TIMP2: variants seen among roughly 807,000 people sequenced by gnomAD.
TIMP2 encodes TIMP metallopeptidase inhibitor 2.
A neutral mutation model predicts 24.3 loss-of-function variants in TIMP2; 5 were observed. That is an observed-to-expected ratio of 0.21 (90% CI 0.11 to 0.43). The LOEUF (loss-of-function observed/expected upper bound fraction) is 0.43, where lower values mean the gene tolerates loss of function less well. Ranked by LOEUF, TIMP2 falls within the 20% of genes least tolerant of loss-of-function variation. TIMP2 has a pLI of 1.00. For synonymous variants in TIMP2, 130 were observed against 123.2 expected (o/e 1.06, Z -0.37); for missense variants, 221 against 297.5 (o/e 0.74, Z 1.89).
rs984433583 is a variant in TIMP2, at chr17:78,853,339, C to A, written c.*2328G>T. 1 of 152,522 alleles carries A rather than the reference C, an allele frequency of 6.6e-6. No individual in the cohort carries two copies. Among genetic ancestry groups the A allele is most frequent in the Admixed American group, 6.6e-5 (1 of 15,266 alleles). The allele number at this position is 152,522 out of a possible 1,614,324, so 9.4% of individuals were successfully genotyped here. On this transcript the variant is annotated 3_prime_UTR_variant, in exon 5 of 5. Coordinates refer to ENST00000262768, the MANE Select transcript of TIMP2 (RefSeq NM_003255.5). ...CTTAGAACATAACATATAAATTAAA[C>A]GATGCCAAATGGAGAGCCTTCTTAA...
rs1388914906 is a variant in TIMP2 at position 78,924,089 on chromosome 17, C to A, written c.130+870G>T. Among the ~76,000 whole-genome samples the A allele has an allele frequency of 6.6e-6, 1 of 152,182 alleles. No individual in the cohort carries two copies. Among genetic ancestry groups the A allele is most frequent in the Non-Finnish European group, 1.5e-5 (1 of 68,024 alleles). On this transcript the variant is annotated intron_variant, in intron 1 of 4. Coordinates refer to ENST00000262768, the MANE Select transcript of TIMP2 (RefSeq NM_003255.5). The surrounding 1 kb of genome is among the most constrained non-coding windows in gnomAD (Gnocchi z 5.3). ...GACCAGGGTGGAAACTTCGAGCCAG[C>A]GGGTTCCTCCCATTTCTGCTGGTCC...
intron 1 of TIMP2, among the ~76,000 whole-genome samples, chr17:78,918,066 A>ACACACGCG (rs1555652954): frequency 1.3e-4 from 12 of 92,646 alleles, no homozygotes; most frequent in African/African-American, 7.3e-4. Flanking sequence ...GCACACACAA[A>ACACACGCG]CACACACACA....
At chr17:78,894,810 A>C (rs1171468190) in intron 1 of TIMP2, among the ~76,000 whole-genome samples, 1 of 152,224 alleles carries the variant, frequency 6.6e-6, no homozygotes, top group African/African-American at 2.4e-5. Context: ...AACATCATCA[A>C]AATTAAAAGA....
At chr17:78,871,303 T>G (rs1172041522) in intron 2 of TIMP2, among the ~76,000 whole-genome samples, 1 of 151,458 alleles carries the variant, frequency 6.6e-6, no homozygotes, top group African/African-American at 2.4e-5. Context: ...AATACAAAAA[T>G]TAGCTGAGCA....
intron 1 of TIMP2, among the ~76,000 whole-genome samples, chr17:78,877,112 G>A (rs1281969411): frequency 3.9e-5 from 6 of 152,212 alleles, no homozygotes; most frequent in African/African-American, 9.6e-5. Context: ...CTGAGATGAC[G>A]CTGACAACTT....
At chr17:78,869,199 T>C (rs909395450) in intron 3 of TIMP2, among the ~76,000 whole-genome samples, 2 of 152,060 alleles carry the variant, frequency 1.3e-5, no homozygotes, top group African/African-American at 4.8e-5. Flanking sequence ...GGCAGGAGGA[T>C]TGCTTGAGCC....
rs1325597318 is a variant in TIMP2 at position 78,891,735 on chromosome 17, C to T, written c.131-17816G>A. On this transcript the variant is annotated intron_variant, in intron 1 of 4. Transcript: ENST00000262768. The surrounding 1 kb of genome is among the most constrained non-coding windows in gnomAD (Gnocchi z 4.5). ...AGCCCGATTTCTCCCACAGCAGCCA[C>T]GAGTGGGTTTGACCTTTCTAGGTCC... 13 of 1,551,136 alleles carry T rather than the reference C, an allele frequency of 8.4e-6. No individual in the cohort carries two copies. Among genetic ancestry groups the T allele is most frequent in the African/African-American group, 1.4e-5 (1 of 73,062 alleles).
intron 1 of TIMP2, among the ~76,000 whole-genome samples, chr17:78,923,191 C>G (rs1299185723): frequency 6.6e-6 from 1 of 151,976 alleles, no homozygotes; most frequent in African/African-American, 2.4e-5. Context: ...AAATGCCAGG[C>G]AACCCAGAAG....
intron 1 of TIMP2, chr17:78,892,339 C>T (rs1276188205): frequency 6.4e-7 from 1 of 1,550,536 alleles, no homozygotes; most frequent in African/African-American, 1.4e-5. Context: ...TGTTTCTGTT[C>T]CTGTCTGCGA....
At chr17:78,909,302 C>A (rs887405165) in intron 1 of TIMP2, among the ~76,000 whole-genome samples, 1 of 151,908 alleles carries the variant, frequency 6.6e-6, no homozygotes, top group African/African-American at 2.4e-5. Context: ...CTACAGTGAG[C>A]TAGGATCACG....
At chr17:78,912,313 T>C (rs1448332913) in intron 1 of TIMP2, among the ~76,000 whole-genome samples, 1 of 152,226 alleles carries the variant, frequency 6.6e-6, no homozygotes, top group Admixed American at 6.5e-5. Context: ...TCCGCTACCA[T>C]GACGAGCCTT....
At chr17:78,916,448 C>A (rs912678754) in intron 1 of TIMP2, among the ~76,000 whole-genome samples, 3 of 152,164 alleles carry the variant, frequency 2.0e-5, no homozygotes, top group African/African-American at 7.2e-5. Flanking sequence ...CAGATTCCAG[C>A]AGAACTCAAC....
intron 3 of TIMP2, among the ~76,000 whole-genome samples, chr17:78,858,238 C>T (rs530805229): frequency 8.5e-5 from 13 of 152,118 alleles, no homozygotes; most frequent in African/African-American, 2.4e-4. Context: ...GTCAGGAGAT[C>T]GAGACCATCC....
rs1047481060 is a variant in TIMP2, at chr17:78,898,203, A to G, written c.131-24284T>C. 3 of 152,044 alleles carry G rather than the reference A, an allele frequency of 2.0e-5. No individual in the cohort carries two copies. The East Asian group carries it at 5.8e-4, about 29-fold the overall frequency. 9.4% of individuals were successfully genotyped at this position (152,044 alleles called of 1,614,324 possible). A position where few individuals can be genotyped will look rare whatever the true frequency, so the allele number is the denominator to read the frequency against. Reference sequence around the variant, plus strand: ...TTTCACGTACACCTCTCTCCATCTCACCGCCTCACCATAGGAGGTGAGGCC... The same window carrying G: ...TTTCACGTACACCTCTCTCCATCTCGCCGCCTCACCATAGGAGGTGAGGCC... On this transcript the variant is annotated intron_variant, in intron 1 of 4. Transcript: ENST00000262768.
In TIMP2 at chr17:78,889,201, G is replaced by C. The variant is rs138060232; in HGVS notation, c.131-15282C>G. On this transcript the variant is annotated intron_variant, in intron 1 of 4. Transcript: ENST00000262768. ...TACTCTCTGGCTCTTTGCAGAAAAAGTATGTTGATCCCTGTGCCTGTCCCT... is the reference window on the plus strand; with the variant it reads ...TACTCTCTGGCTCTTTGCAGAAAAACTATGTTGATCCCTGTGCCTGTCCCT... 5.2e-3 allele frequency among the ~76,000 whole-genome samples: 790 copies of C among 152,324 alleles called. 2 individuals carry two copies. The highest frequency in any genetic ancestry group is 8.4e-3 in the Non-Finnish European group (569 of 68,028).
Position 78,918,065 on chromosome 17 carries a change from A to ACACACACACGCGC in TIMP2, c.130+6893_130+6894insGCGCGTGTGTGTG, listed in dbSNP as rs1555652947. ...AAAAACACGTACGCGTGCACACACA[A>ACACACACACGCGC]ACACACACACACACACACACACACA... is the stretch of plus-strand genomic sequence containing the variant. On this transcript the variant is annotated intron_variant, in intron 1 of 4. Transcript: ENST00000262768. Among the ~76,000 whole-genome samples, 1,080 of 144,920 alleles carry ACACACACACGCGC rather than the reference A, an allele frequency of 7.5e-3. 15 individuals are homozygous for ACACACACACGCGC. Among genetic ancestry groups the ACACACACACGCGC allele is most frequent in the African/African-American group, 0.012 (474 of 38,466 alleles).
intron 1 of TIMP2, 35 bp from the exon 2 acceptor site, chr17:78,873,954 C>T: frequency 1.3e-6 from 2 of 1,589,150 alleles, no homozygotes; most frequent in Non-Finnish European, 1.7e-6. Flanking sequence ...GAGGAGAGTT[C>T]CTGAAACACG....
At chr17:78,886,424 GCCATAACA>G (rs1383535799) in intron 1 of TIMP2, among the ~76,000 whole-genome samples, 1 of 152,170 alleles carries the variant, frequency 6.6e-6, no homozygotes, top group Non-Finnish European at 1.5e-5. Context: ...ACTCAGTCAT[GCCATAACA>G]CCCTCTCTGC....
At position 78,891,014 on chromosome 17, in the gene TIMP2, C is replaced by T. The variant is rs1389830874; in HGVS notation, c.131-17095G>A. 3.9e-6 allele frequency: 6 copies of T among 1,551,212 alleles called. No individual in the cohort carries two copies. The highest frequency in any genetic ancestry group is 5.2e-6 in the Non-Finnish European group (6 of 1,147,136). On this transcript the variant is annotated intron_variant, in intron 1 of 4. Coordinates refer to ENST00000262768, the MANE Select transcript of TIMP2 (RefSeq NM_003255.5). This position sits in a 1 kb window ranked among gnomAD's most constrained non-coding sequence, Gnocchi z 4.5. ...CTGCCTTTGCCTGGATGCCGTCGAG[C>T]CCACTCTGTCTGCCTGGTCTTGAAG...
Sources: gnomAD v4.1 joint callset for allele counts (sites outside exome capture counted in the v4.1 genomes callset) on GRCh38, gnomAD v4.1.1 for gene constraint, Gnocchi (gnomAD v3.1) non-coding constraint, MANE v1.5 for transcripts, NCBI Gene and HGNC (gene_info 2026-07-23, HGNC 2026-07-21) for gene names.